PTPRM: variants seen among roughly 807,000 people sequenced by gnomAD.
PTPRM encodes the protein receptor-type tyrosine-protein phosphatase mu.
In PTPRM, 47 loss-of-function variants were observed where a neutral mutation model predicts 186.7. The ratio of observed to expected loss-of-function variants is 0.25; its 90% CI spans 0.20 to 0.32. The LOEUF is 0.32. PTPRM is among the 10% of genes least tolerant of loss of function. The pLI is 1.00. For synonymous variants in PTPRM, 668 were observed against 674.9 expected (o/e 0.99, Z 0.16); for missense variants, 1,494 against 1,865.0 (o/e 0.80, Z 3.66).
intron 2 of PTPRM, among the ~76,000 whole-genome samples, chr18:7,879,119 T>G (rs2048375434): frequency 6.6e-6 from 1 of 152,214 alleles, no homozygotes; most frequent in African/African-American, 2.4e-5. Context: ...TGACACACTG[T>G]AATACAATTT....
intron 14 of PTPRM, among the ~76,000 whole-genome samples, chr18:8,189,806 C>T (rs916552385): frequency 1.3e-5 from 2 of 152,176 alleles, no homozygotes; most frequent in Admixed American, 6.5e-5. Context: ...CTTTTAAAAT[C>T]CAACAAGATA....
chr18:8,002,033 C>T (rs946771704), intron 7 of PTPRM, among the ~76,000 whole-genome samples: 46 of 152,220 alleles, frequency 3.0e-4, no homozygotes, highest in African/African-American at 1.1e-3. Context: ...GAAAACTGCT[C>T]CTGATTATTT....
Position 8,396,332 on chromosome 18 carries a change from G to A in PTPRM, c.4344+1721G>A, listed in dbSNP as rs189017609. ...TTCAGGGACAGGTATGTAGCCTCGA[G>A]ACTCTGGTTGGTACTTGGGCACAGC... is the stretch of plus-strand genomic sequence containing the variant. On this transcript the variant is annotated intron_variant, in intron 32 of 32. Transcript: ENST00000580170. Among the ~76,000 whole-genome samples the A allele has an allele frequency of 2.5e-3, 386 of 152,342 alleles. 3 individuals are homozygous for A. Among genetic ancestry groups the A allele is most frequent in the African/African-American group, 9.1e-3 (380 of 41,584 alleles).
At chr18:7,777,650 A>G (rs1355880912) in intron 2 of PTPRM, among the ~76,000 whole-genome samples, 3 of 152,212 alleles carry the variant, frequency 2.0e-5, no homozygotes, top group Non-Finnish European at 4.4e-5. Flanking sequence ...TAATATACAA[A>G]CATTTCACAT....
intron 23 of PTPRM, among the ~76,000 whole-genome samples, chr18:8,353,686 C>T (rs2095547982): frequency 6.6e-6 from 1 of 151,646 alleles, no homozygotes; most frequent in African/African-American, 2.4e-5. Flanking sequence ...TAAGGAGAGG[C>T]AATGTGTTTC....
chr18:7,952,601 CA>C (rs2053039547), intron 6 of PTPRM, among the ~76,000 whole-genome samples: 1 of 150,194 alleles, frequency 6.7e-6, no homozygotes, highest in African/African-American at 2.5e-5. Flanking sequence ...AAGGCTGAGG[CA>C]GGAGAATGGT....
chr18:8,291,071 CTCTGCAGA>C (rs1293187888), intron 19 of PTPRM, among the ~76,000 whole-genome samples: 2 of 152,196 alleles, frequency 1.3e-5, no homozygotes, highest in African/African-American at 2.4e-5. Flanking sequence ...TAAGTTGCTG[CTCTGCAGA>C]TGGGATGTCC....
intron 14 of PTPRM, among the ~76,000 whole-genome samples, chr18:8,225,373 A>C (rs1223720837): frequency 6.8e-6 from 1 of 146,240 alleles, no homozygotes; most frequent in Admixed American, 6.9e-5. Context: ...ATAGGAGTTC[A>C]TTCAAGTTGT....
intron 1 of PTPRM, among the ~76,000 whole-genome samples, chr18:7,623,103 A>C (rs2037979192): frequency 6.6e-6 from 1 of 151,982 alleles, no homozygotes; most frequent in Non-Finnish European, 1.5e-5. Context: ...TTTTAGTTTG[A>C]ATTTTTGGAA....
At chr18:8,368,830 A>C (rs2095647819) in intron 23 of PTPRM, among the ~76,000 whole-genome samples, 1 of 152,248 alleles carries the variant, frequency 6.6e-6, no homozygotes, top group Non-Finnish European at 1.5e-5. Context: ...TTTAGTGCAC[A>C]CAGGACACAG....
At chr18:8,028,423 C>T (rs912115601) in intron 7 of PTPRM, among the ~76,000 whole-genome samples, 3 of 152,136 alleles carry the variant, frequency 2.0e-5, no homozygotes, top group African/African-American at 4.8e-5. Flanking sequence ...AATGCTTGGG[C>T]CCTTAGTCTC....
chr18:8,149,534 C>G (rs1296848881), intron 14 of PTPRM, among the ~76,000 whole-genome samples: 1 of 152,040 alleles, frequency 6.6e-6, no homozygotes, highest in East Asian at 1.9e-4. Context: ...TATTTTGAGC[C>G]GTGTGCATCT....
rs559815287 is a variant in PTPRM, at chr18:7,609,948, C to T, written c.73+42057C>T. Among the ~76,000 whole-genome samples the T allele has an allele frequency of 3.9e-5, 6 of 152,244 alleles. 1 individual carries two copies. The South Asian group carries it at 1.0e-3, about 26-fold the overall frequency. ...TGTGGCAATTTTGTTTCCTTGGGAA[C>T]GTCCTAAACAAATGACTTACACTAT... On this transcript the variant is annotated intron_variant, in intron 1 of 32. Transcript: ENST00000580170.
intron 7 of PTPRM, among the ~76,000 whole-genome samples, chr18:8,039,770 T>G (rs1168061316): frequency 1.3e-5 from 2 of 152,150 alleles, no homozygotes; most frequent in African/African-American, 4.8e-5. Context: ...TTATTTCCCA[T>G]GTCTAACTAA....
At chr18:8,405,047 C>T (rs949929728) in intron 32 of PTPRM, 1 of 152,012 alleles carries the variant, frequency 6.6e-6, no homozygotes, top group Non-Finnish European at 1.5e-5. Flanking sequence ...CCTATAATCC[C>T]AGCTAATTAG....
chr18:7,597,236 A>G (rs1456484349), intron 1 of PTPRM, among the ~76,000 whole-genome samples: 1 of 152,180 alleles, frequency 6.6e-6, no homozygotes, highest in Non-Finnish European at 1.5e-5. Context: ...ATGATTGACT[A>G]CTTTTATGAG....
intron 26 of PTPRM, chr18:8,377,598 T>C (rs1048193888): frequency 1.3e-5 from 2 of 152,284 alleles, no homozygotes; most frequent in African/African-American, 2.4e-5. Context: ...CATATTTATG[T>C]ATAGAAAAAA....
intron 22 of PTPRM, 22 bp downstream of exon 22, chr18:8,319,236 T>C (rs764005304): frequency 6.5e-7 from 1 of 1,535,540 alleles, no homozygotes; most frequent in Admixed American, 1.7e-5. Flanking sequence ...TCTACTTTGT[T>C]GTCTTTCTTT....
intron 1 of PTPRM, among the ~76,000 whole-genome samples, chr18:7,664,910 G>A (rs987790551): frequency 2.0e-5 from 3 of 152,184 alleles, no homozygotes; most frequent in Non-Finnish European, 2.9e-5. Flanking sequence ...AGTTTGTGGG[G>A]GAAAACAGGT....
Sources: allele counts gnomAD v4.1 joint callset (sites outside exome capture counted in the v4.1 genomes callset), GRCh38; gene constraint gnomAD v4.1.1; transcripts MANE v1.5; gene names NCBI Gene and HGNC (gene_info 2026-07-23, HGNC 2026-07-21).